The following SORCS3 variants were observed in gnomAD, a reference collection of about 807,000 sequenced individuals.
SORCS3 encodes sortilin related VPS10 domain containing receptor 3.
SORCS3 carries 57 observed loss-of-function variants against 146.3 expected under a neutral mutation model. That is an observed-to-expected ratio of 0.39 (90% CI 0.31 to 0.49). The LOEUF (loss-of-function observed/expected upper bound fraction) is 0.49, where lower values mean the gene tolerates loss of function less well. Among genes scored for constraint, SORCS3 ranks in the 20% least tolerant of loss-of-function variants. The pLI, the probability that SORCS3 is intolerant of heterozygous loss-of-function variation, is 0.92. For missense variants in SORCS3, 1,341 were observed against 1,575.5 expected (o/e 0.85, Z 2.52); for synonymous variants, 653 against 618.5 (o/e 1.06, Z -0.83).
At chr10:104,671,512 T>A (rs1359724494) in intron 1 of SORCS3, among the ~76,000 whole-genome samples, 1 of 150,734 alleles carries the variant, frequency 6.6e-6, no homozygotes, top group South Asian at 2.1e-4. Context: ...CTTAAATATT[T>A]TTTTTTTTCT....
chr10:104,681,143 T>C (rs2015968735), intron 1 of SORCS3, among the ~76,000 whole-genome samples: 1 of 152,234 alleles, frequency 6.6e-6, no homozygotes, highest in South Asian at 2.1e-4. Context: ...ACGTTATTTA[T>C]TTGCAGCGCA....
chr10:105,186,373 A>G (rs1165017191), intron 14 of SORCS3, among the ~76,000 whole-genome samples: 2 of 152,186 alleles, frequency 1.3e-5, no homozygotes, highest in Non-Finnish European at 2.9e-5. Flanking sequence ...GTCCTCGTGC[A>G]TAGGTGATGC....
intron 4 of SORCS3, among the ~76,000 whole-genome samples, chr10:104,983,298 A>G (rs1333707660): frequency 6.6e-6 from 1 of 151,054 alleles, no homozygotes; most frequent in African/African-American, 2.4e-5. Context: ...CATGCACCGC[A>G]CCCAGCCCCA....
rs749911448 is a variant in SORCS3 at position 105,164,316 on chromosome 10, G to A, written c.1746G>A (p.Pro582=). The change falls in exon 12 of 27, where the codon CCG becomes CCA. Residue 582 remains proline (P), a synonymous_variant. Coordinates refer to ENST00000369701, the MANE Select transcript of SORCS3 (RefSeq NM_014978.3). The part of the protein sequence containing the change: ...GLVVATGNIG[P]ELSYTDIGVF... Reference sequence around the variant, plus strand: ...CTTATGTTTCAGGCAACATTGGCCCGGAGCTCTCATATACTGATATTGGTG... The same window carrying A: ...CTTATGTTTCAGGCAACATTGGCCCAGAGCTCTCATATACTGATATTGGTG... The A allele has an allele frequency of 1.9e-5, 31 of 1,613,222 alleles. No individual in the cohort carries two copies. Among genetic ancestry groups the A allele is most frequent in the East Asian group, 4.5e-5 (2 of 44,866 alleles).
chr10:104,689,759 C>T (rs1282462456), intron 1 of SORCS3, among the ~76,000 whole-genome samples: 2 of 152,156 alleles, frequency 1.3e-5, no homozygotes, highest in Admixed American at 1.3e-4. Flanking sequence ...CAACACCTGG[C>T]CCAGTGCCAT....
At chr10:104,940,368 A>C (rs2019307321) in intron 3 of SORCS3, among the ~76,000 whole-genome samples, 1 of 146,180 alleles carries the variant, frequency 6.8e-6, no homozygotes. Context: ...CATTAGGTAT[A>C]TCTCCTAATG....
intron 20 of SORCS3, among the ~76,000 whole-genome samples, chr10:105,233,567 C>T (rs988065328): frequency 6.6e-6 from 1 of 152,124 alleles, no homozygotes; most frequent in African/African-American, 2.4e-5. Context: ...GCCCCCCACC[C>T]CTCCTTGACA....
At chr10:104,977,251 A>C in intron 3 of SORCS3, 84 bp from the exon 4 acceptor site, 4 of 1,158,004 alleles carry the variant, frequency 3.5e-6, no homozygotes, top group Non-Finnish European at 4.8e-6. Flanking sequence ...GTACAAATAC[A>C]GATGACTTAT....
At chr10:104,826,805 T>C (rs999828143) in intron 1 of SORCS3, among the ~76,000 whole-genome samples, 2 of 152,226 alleles carry the variant, frequency 1.3e-5, no homozygotes, top group African/African-American at 4.8e-5. Flanking sequence ...CTGATAGCAT[T>C]TTACCCACAG....
intron 2 of SORCS3, among the ~76,000 whole-genome samples, chr10:104,844,947 A>G (rs2018186576): frequency 6.6e-6 from 1 of 152,176 alleles, no homozygotes; most frequent in African/African-American, 2.4e-5. Context: ...TTTATCATTC[A>G]GTCCACTTCA....
At chr10:105,022,344 C>T (rs1021236948) in intron 4 of SORCS3, among the ~76,000 whole-genome samples, 22 of 145,824 alleles carry the variant, frequency 1.5e-4, no homozygotes, top group African/African-American at 5.1e-4. Flanking sequence ...GTTGCCCAAG[C>T]TGGAGTGCAA....
chr10:105,001,717 G>A (rs1281753516), intron 4 of SORCS3, among the ~76,000 whole-genome samples: 6 of 152,176 alleles, frequency 3.9e-5, no homozygotes, highest in African/African-American at 1.4e-4. Flanking sequence ...ATTAAAAGAA[G>A]CAGTTTCGCT....
chr10:104,896,374 T>C (rs1056261405), intron 2 of SORCS3, among the ~76,000 whole-genome samples: 1 of 152,228 alleles, frequency 6.6e-6, no homozygotes, highest in Non-Finnish European at 1.5e-5. Flanking sequence ...CCACTAAAGC[T>C]ACAGCGAATC....
intron 6 of SORCS3, among the ~76,000 whole-genome samples, chr10:105,091,283 G>C (rs61505968): frequency 8.0e-3 from 136 of 17,054 alleles, no homozygotes; most frequent in East Asian, 0.012. Flanking sequence ...TTCCTTCCTT[G>C]CTTCCTTCCT....
chr10:105,003,998 C>CTTTTTTTTTTTTTTTT lies in SORCS3; in HGVS notation c.954+26506_954+26507insTTTTTTTTTTTTTTTT, dbSNP rs35604992. Among the ~76,000 whole-genome samples the CTTTTTTTTTTTTTTTT allele has an allele frequency of 2.5e-3, 338 of 135,954 alleles. 16 individuals carry two copies. The highest frequency in any genetic ancestry group is 7.6e-3 in the African/African-American group (260 of 34,202). 89.2% of individuals were successfully genotyped at this position (135,954 alleles called of 152,430 possible). On this transcript the variant is annotated intron_variant, in intron 4 of 26. Coordinates refer to ENST00000369701, the MANE Select transcript of SORCS3 (RefSeq NM_014978.3). ...TTCCCCTCCTTTTTTTCTCTTCTCT[C>CTTTTTTTTTTTTTTTT]TCTTTTTTTTTTTTTTACCAGAGAA...
chr10:105,016,108 G>A (rs2055164262), intron 4 of SORCS3, among the ~76,000 whole-genome samples: 1 of 137,918 alleles, frequency 7.3e-6, no homozygotes, highest in Admixed American at 7.3e-5. Flanking sequence ...TTTATGTTAT[G>A]TATTACATAT....
chr10:104,865,329 A>C (rs951783676), intron 2 of SORCS3, among the ~76,000 whole-genome samples: 1 of 152,172 alleles, frequency 6.6e-6, no homozygotes, highest in Non-Finnish European at 1.5e-5. Context: ...CGAGATGTTC[A>C]CTTCTCTTGG....
intron 4 of SORCS3, among the ~76,000 whole-genome samples, chr10:105,021,126 G>A (rs549847573): frequency 2.0e-5 from 3 of 152,100 alleles, no homozygotes; most frequent in Non-Finnish European, 4.4e-5. Flanking sequence ...AGTTTGTTTT[G>A]TGCTACTATG....
intron 1 of SORCS3, among the ~76,000 whole-genome samples, chr10:104,782,413 G>C (rs2017383989): frequency 6.6e-6 from 1 of 152,156 alleles, no homozygotes; most frequent in Non-Finnish European, 1.5e-5. Flanking sequence ...TCCTAGAGCA[G>C]GCTTCCCTGA....
Sources: gnomAD v4.1 joint callset for allele counts (sites outside exome capture counted in the v4.1 genomes callset) on GRCh38, gnomAD v4.1.1 for gene constraint, MANE v1.5 for transcripts, NCBI Gene and HGNC (gene_info 2026-07-23, HGNC 2026-07-21) for gene names.